The following GOLGA1 variants were observed in gnomAD, a reference collection of about 807,000 sequenced individuals.
GOLGA1 encodes the protein golgin A1.
A neutral mutation model predicts 119.7 loss-of-function variants in GOLGA1; 63 were observed. That is an observed-to-expected ratio of 0.53 (90% CI 0.43 to 0.65). The LOEUF (loss-of-function observed/expected upper bound fraction) is 0.65, where lower values mean the gene tolerates loss of function less well. Among genes scored for constraint, GOLGA1 ranks in the 30% least tolerant of loss-of-function variants. The pLI is 0.00. For missense variants in GOLGA1, 798 were observed against 912.8 expected, an observed-to-expected ratio of 0.87 and a Z score of 1.62; for synonymous variants, 318 against 333.4, an observed-to-expected ratio of 0.95 and a Z score of 0.50.
intron 12 of GOLGA1, among the ~76,000 whole-genome samples, chr9:124,901,057 C>T (rs1257937818): frequency 5.9e-5 from 9 of 151,552 alleles, no homozygotes; most frequent in Non-Finnish European, 1.0e-4. Flanking sequence ...CTGCAAGCTC[C>T]GCCTCCTGGG....
intron 11 of GOLGA1, among the ~76,000 whole-genome samples, chr9:124,910,439 C>T (rs1830318792): frequency 6.6e-6 from 1 of 152,162 alleles, no homozygotes; most frequent in African/African-American, 2.4e-5. Context: ...GATGATGGCA[C>T]AATAATAATA....
chr9:124,898,531 A>C lies in GOLGA1; in HGVS notation c.1407+18T>G. On this transcript the variant is annotated intron_variant, in intron 15 of 22. Coordinates refer to ENST00000373555, the MANE Select transcript of GOLGA1 (RefSeq NM_002077.4). ...ACATGAACACTTTTATGAAACTTTG[A>C]TTCAATTAGATAAATACCTTCAGCT... The C allele has an allele frequency of 7.3e-7, 1 of 1,378,878 alleles. No individual in the cohort carries two copies. Among genetic ancestry groups the C allele is most frequent in the South Asian group, 1.2e-5 (1 of 84,826 alleles). 85.4% of individuals were successfully genotyped at this position (1,378,878 alleles called of 1,614,324 possible).
rs185732013 is a variant in GOLGA1 at position 124,886,203 on chromosome 9, G to A, written c.1905+2050C>T. 2.2e-4 allele frequency among the ~76,000 whole-genome samples: 34 copies of A among 152,332 alleles called. No homozygotes were observed. The East Asian group carries it at 3.5e-3, about 16-fold the overall frequency. On this transcript the variant is annotated intron_variant, in intron 19 of 22. Transcript: ENST00000373555. ...CTAGTGTCCGTGGAGCTGTCTGGGC[G>A]GGAGGTAGGGAGGGGAGTCAGCTGC...
At position 124,881,067 on chromosome 9, in the gene GOLGA1, T is replaced by C; in HGVS notation, c.2223+104A>G. ...AGCCAAGCTGATCATGCAGCTGTGC[T>C]GGTGCCTACACTCGGGTGTGGGTCT... is the stretch of plus-strand genomic sequence containing the variant. On this transcript the variant is annotated intron_variant, in intron 22 of 22. Coordinates refer to ENST00000373555, the MANE Select transcript of GOLGA1 (RefSeq NM_002077.4). The surrounding 1 kb of genome is among the most constrained non-coding windows in gnomAD (Gnocchi z 4.9). 1.3e-6 allele frequency: 1 copy of C among 744,928 alleles called. No homozygotes were observed. Among genetic ancestry groups the C allele is most frequent in the Non-Finnish European group, 2.5e-6 (1 of 404,172 alleles). 46.1% of individuals were successfully genotyped at this position (744,928 alleles called of 1,614,324 possible).
chr9:124,937,999 C>A (rs984206159), intron 3 of GOLGA1, among the ~76,000 whole-genome samples: 3 of 151,018 alleles, frequency 2.0e-5, no homozygotes, highest in African/African-American at 7.3e-5. Context: ...ACGAGAATTG[C>A]TTGAGCCCCA....
At chr9:124,925,977 T>C (rs1830664268) in intron 7 of GOLGA1, among the ~76,000 whole-genome samples, 1 of 152,140 alleles carries the variant, frequency 6.6e-6, no homozygotes, top group Non-Finnish European at 1.5e-5. Context: ...GCCAAGAGGT[T>C]CTCATATATG....
chr9:124,938,681 C>T lies in GOLGA1; in HGVS notation c.31G>A (p.Glu11Lys), dbSNP rs755588954. The T allele has an allele frequency of 5.0e-6, 8 of 1,613,510 alleles. No homozygotes were observed. The East Asian group carries it at 1.8e-4, about 36-fold the overall frequency. The change falls in exon 3 of 23, where the codon GAA (glutamate) becomes AAA (lysine). Residue 11 changes from glutamate to lysine, a missense_variant. By Grantham distance (56) the Glu-to-Lys change is moderately conservative. Transcript: ENST00000373555. The stretch of plus-strand genomic sequence containing the variant: ...GGCCTCTGAGCAACAGCAGTCTCTT[C>T]TGCAATTTTCTTCTTCAGTTTTGCA... The part of the protein sequence containing the change: MFAKLKKKIA[E>K]ETAVAQRPGG...
chr9:124,906,829 A>G (rs1408673860), intron 12 of GOLGA1, among the ~76,000 whole-genome samples: 3 of 152,230 alleles, frequency 2.0e-5, no homozygotes, highest in African/African-American at 4.8e-5. Context: ...AGGCAAGAAA[A>G]TAAGACATCT....
At chr9:124,938,011 A>G (rs1830911890) in intron 3 of GOLGA1, among the ~76,000 whole-genome samples, 2 of 150,784 alleles carry the variant, frequency 1.3e-5, no homozygotes, top group South Asian at 4.2e-4. Context: ...TGAGCCCCAG[A>G]GGCAGAGGTT....
rs909401941 is a variant in GOLGA1, at chr9:124,878,345, A to C, written c.*2185T>G. ...TGAGTCAAAGAAATACTGACACACC[A>C]AACTAGTAAAATCCATTGTAGTTGC... On this transcript the variant is annotated 3_prime_UTR_variant, in exon 23 of 23. Coordinates refer to ENST00000373555, the MANE Select transcript of GOLGA1 (RefSeq NM_002077.4). 1 of 152,396 alleles carries C rather than the reference A, an allele frequency of 6.6e-6. No individual in the cohort carries two copies. Among genetic ancestry groups the C allele is most frequent in the African/African-American group, 2.4e-5 (1 of 41,440 alleles). 9.4% of individuals were successfully genotyped at this position (152,396 alleles called of 1,614,324 possible). A position where few individuals can be genotyped will look rare whatever the true frequency, so the allele number is the denominator to read the frequency against.
chr9:124,928,248 G>A lies in GOLGA1; in HGVS notation c.339C>T (p.Phe113=), dbSNP rs1830709118. 1.2e-6 allele frequency: 2 copies of A among 1,607,666 alleles called. No homozygotes were observed. Among genetic ancestry groups the A allele is most frequent in the Non-Finnish European group, 1.7e-6 (2 of 1,174,948 alleles). ...MRKFQEQNET[F]QANRAKMAEG... ...CTGCCATTTTGGCTCTGTTGGCTTG[G>A]AATGTCTCATTCTGCTCTTGAAATT... The change falls in exon 6 of 23, where the codon TTC becomes TTT. Residue 113 remains phenylalanine (F), a synonymous_variant. Transcript: ENST00000373555.
At chr9:124,882,186 C>A (rs1258417957) in intron 20 of GOLGA1, among the ~76,000 whole-genome samples, 1 of 152,164 alleles carries the variant, frequency 6.6e-6, no homozygotes, top group Non-Finnish European at 1.5e-5. Flanking sequence ...TGAAGCTGCT[C>A]GCATCCCGCA....
intron 11 of GOLGA1, among the ~76,000 whole-genome samples, chr9:124,911,599 A>C (rs1830342759): frequency 6.6e-6 from 1 of 152,264 alleles, no homozygotes; most frequent in Non-Finnish European, 1.5e-5. Flanking sequence ...GGAAGAGGGC[A>C]GTGCAGAAAG....
chr9:124,917,855 A>AT (rs113891716), intron 10 of GOLGA1, among the ~76,000 whole-genome samples: 8 of 151,350 alleles, frequency 5.3e-5, no homozygotes, highest in East Asian at 1.9e-4. Flanking sequence ...TGATATATAT[A>AT]TATATTTTTT....
In GOLGA1 at chr9:124,946,979, C is replaced by T. The variant is rs979577129; in HGVS notation, c.-156+939G>A. On this transcript the variant is annotated intron_variant, in intron 1 of 4. Coordinates refer to the GOLGA1 transcript ENST00000421514. The surrounding 1 kb of genome is among the most constrained non-coding windows in gnomAD (Gnocchi z 4.0). ...TGCAAATATACAAATTAACAACCTCCCGTTCCTCACTAAATCCTATCCTAC... is the reference window on the plus strand; with the variant it reads ...TGCAAATATACAAATTAACAACCTCTCGTTCCTCACTAAATCCTATCCTAC... The T allele has an allele frequency of 1.3e-5, 2 of 152,156 alleles. No individual in the cohort carries two copies. Among genetic ancestry groups the T allele is most frequent in the Non-Finnish European group, 2.9e-5 (2 of 68,020 alleles). The allele number at this position is 152,156 out of a possible 1,614,324, so 9.4% of individuals were successfully genotyped here. A position where few individuals can be genotyped will look rare whatever the true frequency, so the allele number is the denominator to read the frequency against.
chr9:124,889,576 G>C, intron 16 of GOLGA1, 40 bp from the exon 17 acceptor site: 1 of 1,277,310 alleles, frequency 7.8e-7, no homozygotes. Context: ...GTTGTGAGCA[G>C]TGACTCCATC....
chr9:124,910,850 T>G (rs540065301), intron 11 of GOLGA1, among the ~76,000 whole-genome samples: 2 of 152,322 alleles, frequency 1.3e-5, no homozygotes, highest in South Asian at 4.1e-4. Flanking sequence ...GATGATGATC[T>G]GAGGTGGAAC....
At chr9:124,912,605 C>T (rs144781855) in intron 10 of GOLGA1, among the ~76,000 whole-genome samples, 4,556 of 152,226 alleles carry the variant, frequency 0.03, 214 homozygotes, top group East Asian at 0.23. Flanking sequence ...TACAGTGGCG[C>T]GATCTCGGCT....
At chr9:124,891,378 C>A (rs990926825) in intron 15 of GOLGA1, among the ~76,000 whole-genome samples, 3 of 152,310 alleles carry the variant, frequency 2.0e-5, no homozygotes, top group African/African-American at 7.2e-5. Context: ...TGGAGAAAAA[C>A]AATTCTAAAT....
Sources: allele counts gnomAD v4.1 joint callset (sites outside exome capture counted in the v4.1 genomes callset), GRCh38; gene constraint gnomAD v4.1.1; non-coding constraint Gnocchi (gnomAD v3.1); transcripts MANE v1.5; gene names NCBI Gene and HGNC (gene_info 2026-07-23, HGNC 2026-07-21).